The following UBE2E2 variants were observed in gnomAD, a reference collection of about 807,000 sequenced individuals.
UBE2E2 encodes ubiquitin-conjugating enzyme E2 E2.
UBE2E2 carries 6 observed loss-of-function variants against 24.7 expected under a neutral mutation model. The observed-to-expected ratio is 0.24, with a 90% CI of 0.13 to 0.48. The LOEUF (loss-of-function observed/expected upper bound fraction) is 0.48, where lower values mean the gene tolerates loss of function less well. Among genes scored for constraint, UBE2E2 ranks in the 20% least tolerant of loss-of-function variants. The pLI is 0.99. For missense variants in UBE2E2, 169 were observed against 245.0 expected (o/e 0.69, Z 2.07); for synonymous variants, 104 against 83.6 (o/e 1.24, Z -1.33).
intron 3 of UBE2E2, among the ~76,000 whole-genome samples, chr3:23,428,783 C>CA (rs1697989076): frequency 6.6e-6 from 1 of 151,668 alleles, no homozygotes; most frequent in Non-Finnish European, 1.5e-5. Flanking sequence ...AACACAGTAA[C>CA]ACCCCATTTC....
intron 3 of UBE2E2, among the ~76,000 whole-genome samples, chr3:23,230,158 C>T (rs1375199706): frequency 6.6e-6 from 1 of 151,966 alleles, no homozygotes; most frequent in African/African-American, 2.4e-5. Flanking sequence ...AGTAAAATAC[C>T]TTTGTCAGTT....
intron 5 of UBE2E2, among the ~76,000 whole-genome samples, chr3:23,567,560 C>G (rs979367481): frequency 6.6e-6 from 1 of 152,080 alleles, no homozygotes; most frequent in Non-Finnish European, 1.5e-5. Context: ...GATTCAAAGC[C>G]AAGACAGCTG....
chr3:23,408,746 CAG>C (rs1463043249), intron 3 of UBE2E2, among the ~76,000 whole-genome samples: 1 of 152,112 alleles, frequency 6.6e-6, no homozygotes, highest in East Asian at 1.9e-4. Context: ...AAAAAACTAG[CAG>C]AGTTTTTCCA....
intron 3 of UBE2E2, among the ~76,000 whole-genome samples, chr3:23,473,368 A>G (rs1407383416): frequency 6.6e-6 from 1 of 152,026 alleles, no homozygotes; most frequent in African/African-American, 2.4e-5. Context: ...CCCAGGGGTC[A>G]AAAAAAGCAC....
At chr3:23,402,283 C>CTACGTAATGT (rs1697245598) in intron 3 of UBE2E2, among the ~76,000 whole-genome samples, 1 of 152,178 alleles carries the variant, frequency 6.6e-6, no homozygotes, top group Non-Finnish European at 1.5e-5. Flanking sequence ...GAAACAACTT[C>CTACGTAATGT]CACGTAATGT....
At chr3:23,234,973 T>G (rs1346747937) in intron 3 of UBE2E2, among the ~76,000 whole-genome samples, 2 of 152,118 alleles carry the variant, frequency 1.3e-5, no homozygotes, top group African/African-American at 4.8e-5. Flanking sequence ...TTAAGTGAAA[T>G]GAGATAAGCT....
intron 5 of UBE2E2, among the ~76,000 whole-genome samples, chr3:23,582,774 T>C (rs1696513372): frequency 6.6e-6 from 1 of 152,092 alleles, no homozygotes; most frequent in Non-Finnish European, 1.5e-5. Context: ...TTAAGTTCCA[T>C]GTAGACTCTG....
chr3:23,348,576 T>G (rs1184695510), intron 3 of UBE2E2, among the ~76,000 whole-genome samples: 6 of 152,168 alleles, frequency 3.9e-5, no homozygotes, highest in Non-Finnish European at 7.3e-5. Flanking sequence ...TATGTCATAA[T>G]CATAGTAAGA....
At chr3:23,358,368 T>A (rs1356393274) in intron 3 of UBE2E2, among the ~76,000 whole-genome samples, 1 of 152,198 alleles carries the variant, frequency 6.6e-6, no homozygotes, top group Non-Finnish European at 1.5e-5. Context: ...TGGTGATGGT[T>A]CACAATGATG....
At chr3:23,398,038 C>T (rs13070865) in intron 3 of UBE2E2, among the ~76,000 whole-genome samples, 15,486 of 152,062 alleles carry the variant, frequency 0.1, 928 homozygotes, top group East Asian at 0.13. Flanking sequence ...TGGGGCCAGG[C>T]GCGGTGGCTC....
At chr3:23,563,018 C>G (rs1265756692) in intron 5 of UBE2E2, among the ~76,000 whole-genome samples, 1 of 152,044 alleles carries the variant, frequency 6.6e-6, no homozygotes, top group African/African-American at 2.4e-5. Context: ...TTCAAAAAAC[C>G]AGCTCCTGGA....
chr3:23,353,532 G>A (rs7614667), intron 3 of UBE2E2, among the ~76,000 whole-genome samples: 82,807 of 151,914 alleles, frequency 0.55, 22,767 homozygotes, highest in Admixed American at 0.65. Flanking sequence ...AGCAACTTCA[G>A]CAAAGTCTCA....
At position 23,221,434 on chromosome 3, in the gene UBE2E2, C is replaced by T. The variant is rs139480459; in HGVS notation, c.227+4122C>T. Among the ~76,000 whole-genome samples, 100 of 152,274 alleles carry T rather than the reference C, an allele frequency of 6.6e-4. 5 individuals carry two copies. In the East Asian group the frequency reaches 0.016, roughly 24 times the overall value. On this transcript the variant is annotated intron_variant, in intron 3 of 5. Transcript: ENST00000396703. The stretch of plus-strand genomic sequence containing the variant: ...CCAAAAAATAATCCATGCCTTTTAG[C>T]AGTCACTCCTTCCCCATTTTCCCCC...
intron 5 of UBE2E2, among the ~76,000 whole-genome samples, chr3:23,564,492 C>G (rs1376679491): frequency 6.6e-6 from 1 of 152,122 alleles, no homozygotes; most frequent in Non-Finnish European, 1.5e-5. Flanking sequence ...AAAAAATACT[C>G]CAAATGAGGG....
chr3:23,518,331 G>C (rs1694788373), intron 4 of UBE2E2, among the ~76,000 whole-genome samples: 1 of 152,170 alleles, frequency 6.6e-6, no homozygotes, highest in Admixed American at 6.5e-5. Flanking sequence ...ATTAGGCATG[G>C]AAATTTAAGT....
rs188307433 is a variant in UBE2E2, at chr3:23,468,119, A to G, written c.228-31489A>G. ...TGAACTTGCCCTAGAGAGCCTCCTTATTCTTGCTCCACATGGACCATTCAG... is the reference window on the plus strand; with the variant it reads ...TGAACTTGCCCTAGAGAGCCTCCTTGTTCTTGCTCCACATGGACCATTCAG... On this transcript the variant is annotated intron_variant, in intron 3 of 5. Coordinates refer to ENST00000396703, the MANE Select transcript of UBE2E2 (RefSeq NM_152653.4). 2.6e-5 allele frequency among the ~76,000 whole-genome samples: 4 copies of G among 152,104 alleles called. No individual in the cohort carries two copies. The East Asian group carries it at 7.7e-4, about 29-fold the overall frequency.
intron 3 of UBE2E2, among the ~76,000 whole-genome samples, chr3:23,390,882 C>T (rs754468194): frequency 2.6e-5 from 4 of 152,022 alleles, no homozygotes; most frequent in South Asian, 2.1e-4. Context: ...TTGCTTTTGG[C>T]GTTCATGCTT....
chr3:23,460,227 T>C (rs968822735), intron 3 of UBE2E2, among the ~76,000 whole-genome samples: 1 of 152,194 alleles, frequency 6.6e-6, no homozygotes, highest in African/African-American at 2.4e-5. Context: ...ACCAGAGATA[T>C]AAGATAAAGC....
chr3:23,546,125 G>A (rs1467796632), intron 5 of UBE2E2, among the ~76,000 whole-genome samples: 6 of 152,176 alleles, frequency 3.9e-5, no homozygotes, highest in Admixed American at 3.3e-4. Context: ...CATGTAACCA[G>A]AAACCACTTG....
Sources: gnomAD v4.1 joint callset for allele counts (sites outside exome capture counted in the v4.1 genomes callset) on GRCh38, gnomAD v4.1.1 for gene constraint, MANE v1.5 for transcripts, NCBI Gene and HGNC (gene_info 2026-07-23, HGNC 2026-07-21) for gene names.